The following FGD4 variants were observed in gnomAD, a reference collection of about 807,000 sequenced individuals.
FGD4 encodes FYVE, RhoGEF and PH domain-containing protein 4.
A neutral mutation model predicts 102.0 loss-of-function variants in FGD4; 42 were observed. The ratio of observed to expected loss-of-function variants is 0.41; its 90% confidence interval spans 0.32 to 0.53. FGD4 has a LOEUF of 0.53. Ranked by LOEUF, FGD4 falls within the 20% of genes least tolerant of loss-of-function variation. FGD4 has a pLI of 0.21. For missense variants in FGD4, 902 were observed against 1,078.2 expected (o/e 0.84, Z 2.29); for synonymous variants, 380 against 375.7 (o/e 1.01, Z -0.13).
chr12:32,583,531 A>C (rs191544570), intron 4 of FGD4, among the ~76,000 whole-genome samples: 34 of 152,314 alleles, frequency 2.2e-4, no homozygotes, highest in Admixed American at 2.1e-3. Flanking sequence ...AAATGCAAGA[A>C]ATGTCAATAA....
chr12:32,475,749 T>C (rs1005395264), intron 1 of FGD4, among the ~76,000 whole-genome samples: 2 of 152,182 alleles, frequency 1.3e-5, no homozygotes, highest in African/African-American at 4.8e-5. Context: ...TCATGAGGTC[T>C]CAAAAAAGGA....
intron 1 of FGD4, among the ~76,000 whole-genome samples, chr12:32,461,883 C>T (rs764932923): frequency 1.3e-5 from 2 of 151,536 alleles, no homozygotes; most frequent in Middle Eastern, 7.0e-3. Context: ...CCCGCCACCA[C>T]GCCAGGCTAA....
chr12:32,402,323 A>T (rs1264481381), intron 1 of FGD4, among the ~76,000 whole-genome samples: 1 of 151,170 alleles, frequency 6.6e-6, no homozygotes, highest in Non-Finnish European at 1.5e-5. Context: ...GCTTGCGCTC[A>T]GGAGGTGGAG....
chr12:32,478,269 G>C (rs1734291135), intron 1 of FGD4, among the ~76,000 whole-genome samples: 1 of 152,130 alleles, frequency 6.6e-6, no homozygotes, highest in Non-Finnish European at 1.5e-5. Context: ...CAATGTGATT[G>C]TGTTTTTTAA....
At position 32,480,642 on chromosome 12, in the gene FGD4, A is replaced by G. The variant is rs1465825132; in HGVS notation, c.166+80683A>G. On this transcript the variant is annotated intron_variant, in intron 1 of 16. Transcript: ENST00000534526. Reference sequence around the variant, plus strand: ...CAGCCTTCCGAGTAGCTGGGATTACAGGCACGCACCACCATGGCCAGCTAA... The same window carrying G: ...CAGCCTTCCGAGTAGCTGGGATTACGGGCACGCACCACCATGGCCAGCTAA... 3.2e-4 allele frequency among the ~76,000 whole-genome samples: 48 copies of G among 151,246 alleles called. 1 individual carries two copies. Among genetic ancestry groups the G allele is most frequent in the Admixed American group, 3.2e-3 (48 of 15,152 alleles).
At chr12:32,454,070 T>TA (rs71445901) in intron 1 of FGD4, among the ~76,000 whole-genome samples, 1,715 of 144,906 alleles carry the variant, frequency 0.012, 12 homozygotes, top group Middle Eastern at 0.018. Flanking sequence ...GTGAAATGAT[T>TA]AAAAAAAAAA....
chr12:32,538,330 A>T (rs1942489013), intron 1 of FGD4, among the ~76,000 whole-genome samples: 1 of 152,246 alleles, frequency 6.6e-6, no homozygotes, highest in South Asian at 2.1e-4. Context: ...TTGATTGAAT[A>T]CATTTCTAAT....
At chr12:32,552,642 C>T (rs1017328214) in intron 1 of FGD4, among the ~76,000 whole-genome samples, 2 of 151,916 alleles carry the variant, frequency 1.3e-5, no homozygotes, top group Non-Finnish European at 2.9e-5. Flanking sequence ...ACATGGAACT[C>T]GGGCAGTAGT....
intron 1 of FGD4, among the ~76,000 whole-genome samples, chr12:32,505,028 T>A (rs2136639788): frequency 6.6e-6 from 1 of 152,324 alleles, no homozygotes; most frequent in Middle Eastern, 3.4e-3. Flanking sequence ...ATCCATTTTT[T>A]GAAGTTAAGT....
intron 10 of FGD4, among the ~76,000 whole-genome samples, chr12:32,617,178 T>TG (rs1253909078): frequency 6.6e-6 from 1 of 152,168 alleles, no homozygotes; most frequent in African/African-American, 2.4e-5. Flanking sequence ...ATTCAAACCA[T>TG]GGCAGCTACT....
intron 7 of FGD4, among the ~76,000 whole-genome samples, chr12:32,606,116 G>C (rs1037975780): frequency 6.6e-6 from 1 of 152,062 alleles, no homozygotes; most frequent in Non-Finnish European, 1.5e-5. Flanking sequence ...AAATATTTGG[G>C]ATCAGTAATA....
chr12:32,462,034 G>A (rs1943119110), intron 1 of FGD4, among the ~76,000 whole-genome samples: 1 of 152,012 alleles, frequency 6.6e-6, no homozygotes, highest in Admixed American at 6.6e-5. Flanking sequence ...TTTTGTAACA[G>A]TTTTAACCAT....
At chr12:32,565,543 G>T (rs1446896323) in intron 2 of FGD4, among the ~76,000 whole-genome samples, 2 of 152,158 alleles carry the variant, frequency 1.3e-5, no homozygotes, top group Non-Finnish European at 2.9e-5. Flanking sequence ...TATTAATAAT[G>T]AATACAATTG....
chr12:32,510,015 A>G (rs2136667955), intron 1 of FGD4, among the ~76,000 whole-genome samples: 1 of 152,366 alleles, frequency 6.6e-6, no homozygotes, highest in Non-Finnish European at 1.5e-5. Context: ...TTTGCTAGTC[A>G]GCTGTGGCCA....
rs558041874 is a variant in FGD4 at position 32,607,105 on chromosome 12, A to G, written c.1405-852A>G. On this transcript the variant is annotated intron_variant, in intron 7 of 16. Transcript: ENST00000534526. Reference sequence around the variant, plus strand: ...ACATCTTTTGAAAAATCTATATAGAATGATTTAATAATGTGACTTCACAAA... The same window carrying G: ...ACATCTTTTGAAAAATCTATATAGAGTGATTTAATAATGTGACTTCACAAA... Among the ~76,000 whole-genome samples, 5 of 152,346 alleles carry G rather than the reference A, an allele frequency of 3.3e-5. No homozygotes were observed. The South Asian group carries it at 1.0e-3, about 32-fold the overall frequency.
At chr12:32,631,748 C>T (rs1950515683) in intron 14 of FGD4, among the ~76,000 whole-genome samples, 1 of 152,226 alleles carries the variant, frequency 6.6e-6, no homozygotes, top group East Asian at 1.9e-4. Flanking sequence ...TCGTGATCTG[C>T]CTGCTTTGGC....
chr12:32,561,070 GTTTTGTTTTTTTTTTT>G (rs894243807), intron 1 of FGD4, among the ~76,000 whole-genome samples: 17 of 90,814 alleles, frequency 1.9e-4, no homozygotes, highest in East Asian at 1.2e-3. Context: ...TCTTTGTTGG[GTTTTGTTTTTTTTTTT>G]TTTTTTTTTT....
chr12:32,619,640 A>T, intron 10 of FGD4, 58 bp from the exon 11 acceptor site: 2 of 1,593,112 alleles, frequency 1.3e-6, no homozygotes, highest in Non-Finnish European at 1.7e-6. Context: ...TCAAAAAAAA[A>T]CCTGATCAGT....
chr12:32,611,900 C>A (rs1438716586), intron 10 of FGD4, among the ~76,000 whole-genome samples: 1 of 152,202 alleles, frequency 6.6e-6, no homozygotes, highest in Admixed American at 6.5e-5. Context: ...CTCTCAGGGG[C>A]CCGGGAAGCC....
Sources: gnomAD v4.1 joint callset for allele counts (sites outside exome capture counted in the v4.1 genomes callset) on GRCh38, gnomAD v4.1.1 for gene constraint, MANE v1.5 for transcripts, NCBI Gene and HGNC (gene_info 2026-07-23, HGNC 2026-07-21) for gene names.